Variants in TMPO observed in about 807,000 individuals in gnomAD.
The protein encoded by TMPO is thymopoietin.
TMPO carries 22 observed loss-of-function variants against 45.4 expected under a neutral mutation model. The ratio of observed to expected loss-of-function variants is 0.48; its 90% CI spans 0.35 to 0.69. TMPO has a LOEUF of 0.69. Ranked by LOEUF, TMPO falls within the 30% of genes least tolerant of loss-of-function variation. The probability of loss-of-function intolerance (pLI) is 0.01; values close to 1 mark genes in which losing one functional copy is unlikely to be tolerated. For missense variants in TMPO, 512 were observed against 548.8 expected (o/e 0.93, Z 0.67); for synonymous variants, 241 against 204.1 (o/e 1.18, Z -1.54).
intron 3 of TMPO, chr12:98,534,330 A>C: frequency 6.2e-7 from 1 of 1,612,382 alleles, no homozygotes; most frequent in Non-Finnish European, 8.5e-7. Context: ...AAAAGCGTGG[A>C]AATAAACACT....
chr12:98,517,957 G>T (rs1876004945), intron 1 of TMPO, among the ~76,000 whole-genome samples: 1 of 152,166 alleles, frequency 6.6e-6, no homozygotes, highest in South Asian at 2.1e-4. Context: ...GAGGTCAGGA[G>T]TTCTAGACCA....
At chr12:98,536,576 G>C (rs1877580948) in intron 3 of TMPO, among the ~76,000 whole-genome samples, 2 of 151,994 alleles carry the variant, frequency 1.3e-5, no homozygotes, top group African/African-American at 4.8e-5. Context: ...ATGGTCTTAA[G>C]CTGACCTCAG....
chr12:98,519,982 T>C (rs1052098966), intron 1 of TMPO, among the ~76,000 whole-genome samples: 1 of 152,050 alleles, frequency 6.6e-6, no homozygotes, highest in African/African-American at 2.4e-5. Context: ...TTTTTTGAGA[T>C]GGAGTCTTGC....
chr12:98,525,579 A>G (rs1267421790), intron 1 of TMPO, among the ~76,000 whole-genome samples: 1 of 152,048 alleles, frequency 6.6e-6, no homozygotes, highest in African/African-American at 2.4e-5. Context: ...CGTCTCTACT[A>G]AAAATACAAA....
chr12:98,521,125 T>TTTTTTTTTTTG (rs1491360700), intron 1 of TMPO, among the ~76,000 whole-genome samples: 1 of 120,394 alleles, frequency 8.3e-6, no homozygotes, highest in Non-Finnish European at 1.7e-5. Context: ...TTTTTTTTTT[T>TTTTTTTTTTTG]GAGACGGAGT....
rs398044704 is a variant in TMPO at position 98,521,100 on chromosome 12, A to ATTTTTTTTTTTTTTTT, written c.279+4964_279+4979dup. Among the ~76,000 whole-genome samples, 220 of 76,760 alleles carry ATTTTTTTTTTTTTTTT rather than the reference A, an allele frequency of 2.9e-3. 32 individuals are homozygous for ATTTTTTTTTTTTTTTT. The highest frequency in any genetic ancestry group is 4.0e-3 in the Non-Finnish European group (167 of 41,846). The allele number at this position is 76,760 out of a possible 152,430, so 50.4% of individuals were successfully genotyped here. Reference sequence around the variant, plus strand: ...CTATTTAATCATGGGTTTATGAGGAATTTTTTTTTTTTTTTTTTTTTTTTT... The same window carrying ATTTTTTTTTTTTTTTT: ...CTATTTAATCATGGGTTTATGAGGAATTTTTTTTTTTTTTTTTTTTTTTTTTTTTTTTTTTTTTTTT... On this transcript the variant is annotated intron_variant, in intron 1 of 8. Transcript: ENST00000556029.
chr12:98,546,785 C>T (rs1270335389), intron 8 of TMPO, among the ~76,000 whole-genome samples: 1 of 152,228 alleles, frequency 6.6e-6, no homozygotes, highest in South Asian at 2.1e-4. Flanking sequence ...TTCAAAATTG[C>T]GATTGGTAAA....
At chr12:98,520,070 C>T (rs1301767946) in intron 1 of TMPO, among the ~76,000 whole-genome samples, 3 of 151,692 alleles carry the variant, frequency 2.0e-5, no homozygotes, top group African/African-American at 7.3e-5. Flanking sequence ...AGCGATTCTC[C>T]TGCCTCAGCC....
At chr12:98,528,887 G>A (rs1469820381) in intron 2 of TMPO, among the ~76,000 whole-genome samples, 1 of 151,966 alleles carries the variant, frequency 6.6e-6, no homozygotes, top group Non-Finnish European at 1.5e-5. Flanking sequence ...TGAGATGGTG[G>A]GGGGAAGTCA....
At position 98,540,999 on chromosome 12, in the gene TMPO, G is replaced by GT. The variant is rs574219073; in HGVS notation, c.664-3223dup. ...TATTGCCTAGGTCTATTATTTTGAG[G>GT]TTTTTTTTATGTATTGAATTTATGA... On this transcript the variant is annotated intron_variant, in intron 4 of 8. Coordinates refer to ENST00000556029, the MANE Select transcript of TMPO (RefSeq NM_001032283.3). Among the ~76,000 whole-genome samples the GT allele has an allele frequency of 5.7e-3, 859 of 151,876 alleles. 2 individuals carry two copies. The highest frequency in any genetic ancestry group is 8.2e-3 in the Non-Finnish European group (559 of 67,900).
intron 1 of TMPO, among the ~76,000 whole-genome samples, chr12:98,525,512 G>T (rs1051510487): frequency 1.3e-5 from 2 of 152,060 alleles, no homozygotes; most frequent in African/African-American, 4.8e-5. Context: ...AGGCTCAGGC[G>T]GGCATAACAT....
At chr12:98,537,427 T>C (rs188748449) in intron 3 of TMPO, 48 bp from the exon 4 acceptor site, 1 of 1,451,370 alleles carries the variant, frequency 6.9e-7, no homozygotes, top group African/African-American at 1.4e-5. Context: ...AACATCATCA[T>C]TTATTGAGTG....
At chr12:98,520,767 G>C (rs1876285248) in intron 1 of TMPO, among the ~76,000 whole-genome samples, 1 of 150,696 alleles carries the variant, frequency 6.6e-6, no homozygotes, top group Non-Finnish European at 1.5e-5. Flanking sequence ...TGTATTTTTA[G>C]TAAAGACTGT....
At chr12:98,533,482 C>T in intron 3 of TMPO, 1 of 1,614,152 alleles carries the variant, frequency 6.2e-7, no homozygotes, top group Non-Finnish European at 8.5e-7. Flanking sequence ...AGAAAACATA[C>T]AGAAGAGAAT....
At chr12:98,540,553 T>G (rs1301521416) in intron 4 of TMPO, among the ~76,000 whole-genome samples, 2 of 152,166 alleles carry the variant, frequency 1.3e-5, no homozygotes, top group East Asian at 3.9e-4. Flanking sequence ...TAATTTTGTA[T>G]TTTTAGTAGA....
Position 98,526,035 on chromosome 12 carries a change from T to C in TMPO, c.280-1851T>C, listed in dbSNP as rs145256708. On this transcript the variant is annotated intron_variant, in intron 1 of 8. Coordinates refer to ENST00000556029, the MANE Select transcript of TMPO (RefSeq NM_001032283.3). The stretch of plus-strand genomic sequence containing the variant: ...ACAGCCTTAAAAGGTATCCGTACTT[T>C]TGCTTCCTTTTTATTTGTTCAACCT... 1.4e-3 allele frequency among the ~76,000 whole-genome samples: 206 copies of C among 152,354 alleles called. 1 individual carries two copies. The highest frequency in any genetic ancestry group is 4.7e-3 in the African/African-American group (196 of 41,578).
At chr12:98,527,010 AAGCCT>A (rs886120745) in intron 1 of TMPO, among the ~76,000 whole-genome samples, 5 of 152,048 alleles carry the variant, frequency 3.3e-5, no homozygotes, top group Non-Finnish European at 7.4e-5. Flanking sequence ...ATCTAAGTGT[AAGCCT>A]GTATGGTAAA....
At chr12:98,533,953 G>A (rs755082070) in intron 3 of TMPO, 2 of 1,613,740 alleles carry the variant, frequency 1.2e-6, no homozygotes, top group South Asian at 1.1e-5. Context: ...TCAGCAGTTG[G>A]ACTTAGCACT....
At chr12:98,529,785 C>T (rs1877056681) in intron 2 of TMPO, among the ~76,000 whole-genome samples, 7 of 152,022 alleles carry the variant, frequency 4.6e-5, no homozygotes, top group Admixed American at 4.6e-4. Flanking sequence ...TCTTGAACTC[C>T]TGGGCTCAAG....
Sources: allele counts gnomAD v4.1 joint callset (sites outside exome capture counted in the v4.1 genomes callset), GRCh38; gene constraint gnomAD v4.1.1; transcripts MANE v1.5; gene names NCBI Gene and HGNC (gene_info 2026-07-23, HGNC 2026-07-21).